GRAMD1B: variants seen among roughly 807,000 people sequenced by gnomAD.
GRAMD1B encodes GRAM domain containing 1B, also known as protein Aster-B.
GRAMD1B carries 37 observed loss-of-function variants against 99.7 expected under a neutral mutation model. The observed-to-expected ratio is 0.37, with a 90% CI of 0.29 to 0.49. GRAMD1B has a LOEUF of 0.49. Ranked by LOEUF, GRAMD1B falls within the 20% of genes least tolerant of loss-of-function variation. The pLI is 0.98. For synonymous variants in GRAMD1B, 427 were observed against 387.6 expected, an observed-to-expected ratio of 1.10 and a Z score of -1.19; for missense variants, 888 against 1,009.2, an observed-to-expected ratio of 0.88 and a Z score of 1.63.
chr11:123,448,780 C>T (rs1443859919), intron 1 of GRAMD1B, among the ~76,000 whole-genome samples: 1 of 152,170 alleles, frequency 6.6e-6, no homozygotes, highest in Non-Finnish European at 1.5e-5. Context: ...TTTCACGAGG[C>T]TTCTCTCCCT....
At chr11:123,552,273 CTTTTT>C (rs71060514) in intron 2 of GRAMD1B, among the ~76,000 whole-genome samples, 4 of 119,370 alleles carry the variant, frequency 3.4e-5, no homozygotes, top group Non-Finnish European at 6.7e-5. Context: ...CTCTTTCTTT[CTTTTT>C]TTTTTTTTTT....
intron 1 of GRAMD1B, among the ~76,000 whole-genome samples, chr11:123,372,318 T>C (rs1946555501): frequency 6.6e-6 from 1 of 152,240 alleles, no homozygotes; most frequent in South Asian, 2.1e-4. Flanking sequence ...TTAACCTTTA[T>C]ATGTTCCTGG....
chr11:123,524,590 T>C (rs1305840934), intron 2 of GRAMD1B, among the ~76,000 whole-genome samples: 3 of 152,144 alleles, frequency 2.0e-5, no homozygotes, highest in Non-Finnish European at 1.5e-5. Context: ...ATCCGCCTCC[T>C]TGGGCTCCCA....
intron 7 of GRAMD1B, chr11:123,598,638 A>G (rs1429545500): frequency 1.5e-6 from 2 of 1,321,566 alleles, no homozygotes; most frequent in South Asian, 2.4e-5. Context: ...GCCACATTTC[A>G]GTCCTAAAGC....
rs190936456 is a variant in GRAMD1B, at chr11:123,569,955, G to C, written c.453-7412G>C. Among the ~76,000 whole-genome samples the C allele has an allele frequency of 2.0e-5, 3 of 152,172 alleles. No homozygotes were observed. The East Asian group carries it at 5.8e-4, about 29-fold the overall frequency. On this transcript the variant is annotated intron_variant, in intron 2 of 19. Transcript: ENST00000635736. ...CATCGGGTTCTGCCTACACCTGATC[G>C]TCTCCATGTCAGATTCTTCCACATT...
In GRAMD1B at chr11:123,613,583, C is replaced by A. The variant is rs1257670898; in HGVS notation, c.2152C>A (p.His718Asn). Reference protein sequence around the residue: ...KRPHAHLRVPHLEEVMSPVTT... With the variant: ...KRPHAHLRVPNLEEVMSPVTT... The stretch of plus-strand genomic sequence containing the variant: ...TCCCCATGCCCACCTGCGAGTCCCT[C>A]ACCTGGAAGAGGTGATGAGCCCGGT... The change falls in exon 16 of 20, where the codon CAC (histidine) becomes AAC (asparagine). Residue 718 changes from histidine (H) to asparagine (N), a missense_variant. His to Asn is a moderately conservative substitution (Grantham distance 68, BLOSUM62 1). Transcript: ENST00000635736. 2.5e-6 allele frequency: 4 copies of A among 1,613,884 alleles called. No individual in the cohort carries two copies. The highest frequency in any genetic ancestry group is 3.4e-6 in the Non-Finnish European group (4 of 1,179,830).
chr11:123,390,742 A>T (rs1447201367), intron 1 of GRAMD1B, among the ~76,000 whole-genome samples: 1 of 152,102 alleles, frequency 6.6e-6, no homozygotes, highest in Non-Finnish European at 1.5e-5. Flanking sequence ...TGTCCTTTCA[A>T]CTGGTTGATA....
At chr11:123,365,367 TCA>T (rs943535724) in intron 1 of GRAMD1B, among the ~76,000 whole-genome samples, 4 of 152,148 alleles carry the variant, frequency 2.6e-5, no homozygotes, top group Non-Finnish European at 5.9e-5. Flanking sequence ...TTCTCCTGCC[TCA>T]GTCTCCCCAG....
At chr11:123,552,531 G>A (rs1342104119) in intron 2 of GRAMD1B, among the ~76,000 whole-genome samples, 1 of 151,248 alleles carries the variant, frequency 6.6e-6, no homozygotes, top group African/African-American at 2.4e-5. Flanking sequence ...GATTACAGGT[G>A]TGAGCCACTG....
chr11:123,570,250 T>G (rs1274856112), intron 2 of GRAMD1B, among the ~76,000 whole-genome samples: 1 of 151,812 alleles, frequency 6.6e-6, no homozygotes, highest in Non-Finnish European at 1.5e-5. Flanking sequence ...TTGGTGGGGG[T>G]GGTATCAGGT....
chr11:123,482,550 G>T lies in GRAMD1B; in HGVS notation c.452+1657G>T, dbSNP rs115117253. On this transcript the variant is annotated intron_variant, in intron 2 of 19. Transcript: ENST00000635736. ...ATATTTTTATTTGCCAGCCAAATAT[G>T]AAACAATAATATGACACAACTACCA... Among the ~76,000 whole-genome samples, 1,418 of 152,300 alleles carry T rather than the reference G, an allele frequency of 9.3e-3. 25 individuals carry two copies. Among genetic ancestry groups the T allele is most frequent in the African/African-American group, 0.032 (1,349 of 41,542 alleles).
At chr11:123,604,895 C>T (rs1952492290) in intron 9 of GRAMD1B, among the ~76,000 whole-genome samples, 1 of 152,158 alleles carries the variant, frequency 6.6e-6, no homozygotes, top group African/African-American at 2.4e-5. Context: ...TGGGCAATGC[C>T]ACTTAAGGAG....
chr11:123,593,629 C>T (rs1374679264), intron 4 of GRAMD1B, among the ~76,000 whole-genome samples: 1 of 152,144 alleles, frequency 6.6e-6, no homozygotes, highest in Non-Finnish European at 1.5e-5. Context: ...CAAGTGCTCA[C>T]TCTGATAATC....
At chr11:123,458,991 AC>A (rs1471252368) in intron 1 of GRAMD1B, 2 of 152,178 alleles carry the variant, frequency 1.3e-5, no homozygotes, top group East Asian at 3.9e-4. Flanking sequence ...ACCGTAATAC[AC>A]AGCGGAGTTA....
chr11:123,384,028 G>A (rs1372405311), intron 1 of GRAMD1B, among the ~76,000 whole-genome samples: 2 of 151,762 alleles, frequency 1.3e-5, no homozygotes, highest in Non-Finnish European at 2.9e-5. Flanking sequence ...GCACCACCAC[G>A]CCCAGCTAAT....
chr11:123,380,638 G>A (rs1946840209), intron 1 of GRAMD1B, among the ~76,000 whole-genome samples: 1 of 152,112 alleles, frequency 6.6e-6, no homozygotes, highest in Admixed American at 6.5e-5. Context: ...AAGAGAATAG[G>A]AGGCTGCTGC....
intron 1 of GRAMD1B, among the ~76,000 whole-genome samples, chr11:123,453,217 A>C (rs544755365): frequency 1.3e-5 from 2 of 152,292 alleles, no homozygotes; most frequent in African/African-American, 4.8e-5. Context: ...AATACAGTGG[A>C]ATATATACAT....
chr11:123,422,217 T>C (rs1438335734), intron 1 of GRAMD1B, among the ~76,000 whole-genome samples: 1 of 152,154 alleles, frequency 6.6e-6, no homozygotes, highest in African/African-American at 2.4e-5. Context: ...TGGGGCGCAG[T>C]GCAGCAGGGT....
At chr11:123,495,574 G>T (rs920291047) in intron 2 of GRAMD1B, among the ~76,000 whole-genome samples, 2 of 151,206 alleles carry the variant, frequency 1.3e-5, no homozygotes, top group African/African-American at 4.9e-5. Context: ...ACCCTTCTCA[G>T]CCTCTGGTAA....
Sources: gnomAD v4.1 joint callset for allele counts (sites outside exome capture counted in the v4.1 genomes callset) on GRCh38, gnomAD v4.1.1 for gene constraint, MANE v1.5 for transcripts, NCBI Gene and HGNC (gene_info 2026-07-23, HGNC 2026-07-21) for gene names.